The following TMEM161B variants were observed in gnomAD, a reference collection of about 807,000 sequenced individuals.
TMEM161B encodes the protein transmembrane protein 161B.
Under a neutral mutation model 61.8 loss-of-function variants are expected in TMEM161B, and 34 were observed. The observed-to-expected ratio is 0.55, with a 90% CI of 0.42 to 0.73. TMEM161B has a LOEUF of 0.73. Ranked by LOEUF, TMEM161B falls within the 30% of genes least tolerant of loss-of-function variation. The pLI is 0.00. For synonymous variants in TMEM161B, 167 were observed against 192.8 expected (o/e 0.87, Z 1.11); for missense variants, 456 against 558.5 (o/e 0.82, Z 1.85).
chr5:88,238,452 CAT>C (rs1481482362), intron 2 of TMEM161B, among the ~76,000 whole-genome samples: 1 of 151,846 alleles, frequency 6.6e-6, no homozygotes, highest in Non-Finnish European at 1.5e-5. Context: ...ATTAATCTCT[CAT>C]GTTATCTACA....
intron 1 of TMEM161B, among the ~76,000 whole-genome samples, chr5:88,251,786 A>T (rs1306813059): frequency 6.6e-6 from 1 of 152,328 alleles, no homozygotes; most frequent in East Asian, 1.9e-4. Flanking sequence ...AGCATATGAA[A>T]ATTCAACTAA....
intron 4 of TMEM161B, among the ~76,000 whole-genome samples, chr5:88,222,496 C>T (rs1749183690): frequency 6.6e-6 from 1 of 152,096 alleles, no homozygotes; most frequent in South Asian, 2.1e-4. Context: ...ATCACCCATA[C>T]TGGGCTTTCA....
downstream of TMEM161B, among the ~76,000 whole-genome samples, chr5:88,193,658 CTA>C (rs1749202582): frequency 6.6e-6 from 1 of 152,122 alleles, no homozygotes; most frequent in African/African-American, 2.4e-5. Context: ...ATAATGAATT[CTA>C]TGTCTTTTAC....
chr5:88,260,882 T>C (rs762841068), intron 1 of TMEM161B, among the ~76,000 whole-genome samples: 18 of 152,248 alleles, frequency 1.2e-4, no homozygotes, highest in Non-Finnish European at 2.2e-4. Context: ...CTAAATCTTA[T>C]AGTTTATAGC....
At chr5:88,187,072 T>A (rs531210212), downstream of TMEM161B, among the ~76,000 whole-genome samples, 105 of 152,354 alleles carry the variant, frequency 6.9e-4, no homozygotes, top group South Asian at 3.7e-3. Context: ...TTCATTTTTT[T>A]AAAATGTGGA....
intron 4 of TMEM161B, among the ~76,000 whole-genome samples, chr5:88,223,550 T>C (rs186747297): frequency 6.6e-6 from 1 of 152,220 alleles, no homozygotes; most frequent in Non-Finnish European, 1.5e-5. Context: ...ATGTTGAATG[T>C]AAAACAGTTA....
At chr5:88,246,790 C>T (rs918063733) in intron 1 of TMEM161B, among the ~76,000 whole-genome samples, 1 of 151,900 alleles carries the variant, frequency 6.6e-6, no homozygotes, top group Non-Finnish European at 1.5e-5. Context: ...ATAAATTTCA[C>T]AATAGAAAAC....
intron 1 of TMEM161B, among the ~76,000 whole-genome samples, chr5:88,252,666 T>C (rs974952658): frequency 4.6e-5 from 7 of 152,132 alleles, no homozygotes; most frequent in East Asian, 1.9e-4. Flanking sequence ...GGAAAAGGTG[T>C]AGACTGAAAG....
downstream of TMEM161B, among the ~76,000 whole-genome samples, chr5:88,191,344 G>A (rs559489741): frequency 1.3e-5 from 2 of 152,248 alleles, no homozygotes; most frequent in African/African-American, 4.8e-5. Flanking sequence ...TCCTATATTA[G>A]ACTCTTCATC....
At chr5:88,219,623 A>G (rs1748547996) in intron 5 of TMEM161B, among the ~76,000 whole-genome samples, 1 of 152,196 alleles carries the variant, frequency 6.6e-6, no homozygotes, top group Non-Finnish European at 1.5e-5. Flanking sequence ...GTACAAGGCG[A>G]AGGATAGGTA....
Position 88,206,419 on chromosome 5 carries a change from T to G in TMEM161B, c.659+20A>C. The G allele has an allele frequency of 6.4e-7, 1 of 1,571,464 alleles. No individual in the cohort carries two copies. Among genetic ancestry groups the G allele is most frequent in the Non-Finnish European group, 8.7e-7 (1 of 1,155,620 alleles). Reference sequence around the variant, plus strand: ...AGAAAAGGTTAAATTTAAATAATGCTTAATTTTTCAAAAACTTACTGAGAT... The same window carrying G: ...AGAAAAGGTTAAATTTAAATAATGCGTAATTTTTCAAAAACTTACTGAGAT... On this transcript the variant is annotated intron_variant, in intron 7 of 11. Transcript: ENST00000296595.
chr5:88,225,890 C>CA (rs757247147), intron 3 of TMEM161B, 24 bp from the exon 4 acceptor site: 3 of 1,504,000 alleles, frequency 2.0e-6, no homozygotes, highest in Non-Finnish European at 2.7e-6. Context: ...ACAAGTGACA[C>CA]AAAAAACAAG....
intron 2 of TMEM161B, 33 bp downstream of exon 2, chr5:88,240,780 G>T: frequency 2.1e-6 from 3 of 1,452,350 alleles, no homozygotes; most frequent in Non-Finnish European, 2.9e-6. Context: ...GAGATTGAAA[G>T]TGTCAGTTGA....
At chr5:88,237,289 T>C (rs1232352822) in intron 2 of TMEM161B, among the ~76,000 whole-genome samples, 1 of 152,136 alleles carries the variant, frequency 6.6e-6, no homozygotes, top group African/African-American at 2.4e-5. Flanking sequence ...AAAAATGATG[T>C]ATCTACTTCT....
rs1749691113 is a variant in TMEM161B, at chr5:88,196,601, A to G, written c.1187-113T>C. The G allele has an allele frequency of 4.7e-6, 5 of 1,060,168 alleles. No homozygotes were observed. In the South Asian group the frequency reaches 9.4e-5, roughly 20 times the overall value. The allele number at this position is 1,060,168 out of a possible 1,614,324, so 65.7% of individuals were successfully genotyped here. Reference sequence around the variant, plus strand: ...AACAATATGTTTAGTGGCACAGTACATCATTTTATGTTAAAAATAAAGTAA... The same window carrying G: ...AACAATATGTTTAGTGGCACAGTACGTCATTTTATGTTAAAAATAAAGTAA... On this transcript the variant is annotated intron_variant, in intron 11 of 11. Coordinates refer to ENST00000296595, the MANE Select transcript of TMEM161B (RefSeq NM_153354.5).
intron 11 of TMEM161B, among the ~76,000 whole-genome samples, chr5:88,197,465 A>G (rs1325229428): frequency 6.6e-6 from 1 of 152,180 alleles, no homozygotes; most frequent in Admixed American, 6.6e-5. Flanking sequence ...AAGACAAAGC[A>G]TAAAGTTATA....
chr5:88,220,725 A>AAC lies in TMEM161B; in HGVS notation c.290-7_290-6insGT. On this transcript the variant is annotated splice_region_variant and splice_polypyrimidine_tract_variant and intron_variant, in intron 4 of 11. Transcript: ENST00000296595. ...TTCTGGAAAGTAATGCAATGCTGGA[A>AAC]AGAAAAAAAAAAAAAAAAAAAAAAA... 2.1e-6 allele frequency: 3 copies of AAC among 1,414,484 alleles called. No homozygotes were observed. Among genetic ancestry groups the AAC allele is most frequent in the Non-Finnish European group, 2.8e-6 (3 of 1,067,278 alleles). 87.6% of individuals were successfully genotyped at this position (1,414,484 alleles called of 1,614,324 possible).
At chr5:88,192,495 A>G (rs897839955), downstream of TMEM161B, among the ~76,000 whole-genome samples, 2 of 152,248 alleles carry the variant, frequency 1.3e-5, no homozygotes, top group African/African-American at 2.4e-5. Flanking sequence ...ATCAAGCAAG[A>G]CATTAGCTTT....
At chr5:88,260,884 G>C (rs923523652) in intron 1 of TMEM161B, among the ~76,000 whole-genome samples, 15 of 152,268 alleles carry the variant, frequency 9.9e-5, no homozygotes, top group Admixed American at 6.5e-4. Flanking sequence ...AAATCTTATA[G>C]TTTATAGCCA....
Sources: allele counts gnomAD v4.1 joint callset (sites outside exome capture counted in the v4.1 genomes callset), GRCh38; gene constraint gnomAD v4.1.1; transcripts MANE v1.5; gene names NCBI Gene and HGNC (gene_info 2026-07-23, HGNC 2026-07-21).